Variants in CACNA1E observed in about 807,000 individuals in gnomAD.
CACNA1E encodes voltage-dependent R-type calcium channel subunit alpha-1E.
In CACNA1E, 40 loss-of-function variants were observed where a neutral mutation model predicts 259.2. The observed-to-expected ratio is 0.15, with a 90% CI of 0.12 to 0.20. CACNA1E has a LOEUF of 0.20. Ranked by LOEUF, CACNA1E falls within the 10% of genes least tolerant of loss-of-function variation. The probability of loss-of-function intolerance (pLI) is 1.00; values close to 1 mark genes in which losing one functional copy is unlikely to be tolerated. For synonymous variants in CACNA1E, 1,104 were observed against 1,138.5 expected, an observed-to-expected ratio of 0.97 and a Z score of 0.61; for missense variants, 1,874 against 3,040.1, an observed-to-expected ratio of 0.62 and a Z score of 9.02.
At chr1:181,699,794 T>C (rs1267647770) in intron 7 of CACNA1E, among the ~76,000 whole-genome samples, 1 of 151,698 alleles carries the variant, frequency 6.6e-6, no homozygotes, top group Admixed American at 6.6e-5. Context: ...TGGGCTGAGG[T>C]TGGGATGAGA....
At chr1:181,501,471 T>C (rs1665244441) in intron 1 of CACNA1E, among the ~76,000 whole-genome samples, 1 of 152,180 alleles carries the variant, frequency 6.6e-6, no homozygotes. Flanking sequence ...TGGTCTAAAG[T>C]AATGAGAATT....
At chr1:181,419,562 C>T (rs1027642559) in intron 2 of CACNA1E, among the ~76,000 whole-genome samples, 5 of 152,224 alleles carry the variant, frequency 3.3e-5, no homozygotes, top group African/African-American at 1.2e-4. Context: ...CACAAACACA[C>T]ACACATACAT....
At position 181,433,530 on chromosome 1, in the gene CACNA1E, G is replaced by C. The variant is rs367628282; in HGVS notation, c.434+19950G>C. On this transcript the variant is annotated intron_variant, in intron 2 of 11. Transcript: ENST00000524607. ...TTTTTTCTTTCATTACAAAAGACGT[G>C]CTCATTGTGAAACAATTGGGAAATA... Among the ~76,000 whole-genome samples, 271 of 152,150 alleles carry C rather than the reference G, an allele frequency of 1.8e-3. 3 individuals are homozygous for C. The highest frequency in any genetic ancestry group is 6.1e-3 in the African/African-American group (255 of 41,496).
intron 45 of CACNA1E, among the ~76,000 whole-genome samples, chr1:181,794,560 A>G (rs1426807513): frequency 1.3e-5 from 2 of 152,212 alleles, no homozygotes; most frequent in African/African-American, 4.8e-5. Context: ...GCCCCATGGT[A>G]GAGGGCTCTA....
rs1361864859 is a variant in CACNA1E, at chr1:181,800,404, CAA to C, written c.*1571_*1572del. The C allele has an allele frequency of 6.6e-6, 1 of 152,640 alleles. No homozygotes were observed. The highest frequency in any genetic ancestry group is 1.9e-4 in the East Asian group (1 of 5,180). The allele number at this position is 152,640 out of a possible 1,614,324, so 9.5% of individuals were successfully genotyped here. On this transcript the variant is annotated 3_prime_UTR_variant, in exon 48 of 48. Coordinates refer to ENST00000367573, the MANE Select transcript of CACNA1E (RefSeq NM_001205293.3). ...ATAGCCCAAACGCAGAAGCACTGAG[CAA>C]GAGAGCCCTTTCTTGCCAAGCCAGT...
chr1:181,703,850 A>G (rs1250575175), intron 7 of CACNA1E, among the ~76,000 whole-genome samples: 1 of 148,702 alleles, frequency 6.7e-6, no homozygotes, highest in African/African-American at 2.4e-5. Flanking sequence ...CCCTCGCCTG[A>G]TATCCTGGTC....
chr1:181,736,510 G>A (rs911998274), intron 22 of CACNA1E, 76 bp downstream of exon 22: 5 of 1,358,078 alleles, frequency 3.7e-6, no homozygotes, highest in East Asian at 2.5e-5. Flanking sequence ...GGGTGAAGGG[G>A]AGAGGAAGGA....
At chr1:181,427,315 C>A (rs1046077178) in intron 2 of CACNA1E, among the ~76,000 whole-genome samples, 1 of 151,170 alleles carries the variant, frequency 6.6e-6, no homozygotes, top group Non-Finnish European at 1.5e-5. Flanking sequence ...CTATCTCTAC[C>A]CCTGCCCGTC....
intron 1 of CACNA1E, among the ~76,000 whole-genome samples, chr1:181,320,247 T>A (rs1374925675): frequency 6.6e-6 from 1 of 152,202 alleles, no homozygotes; most frequent in East Asian, 1.9e-4. Context: ...AAATCCTACA[T>A]GTCTGGATTT....
chr1:181,456,756 C>T (rs1661484606), intron 2 of CACNA1E, among the ~76,000 whole-genome samples: 1 of 151,930 alleles, frequency 6.6e-6, no homozygotes, highest in Non-Finnish European at 1.5e-5. Context: ...TCTCTGTCTC[C>T]CTCTCTCTCT....
chr1:181,609,102 T>C (rs976111646), intron 6 of CACNA1E, among the ~76,000 whole-genome samples: 4 of 152,226 alleles, frequency 2.6e-5, no homozygotes, highest in African/African-American at 9.6e-5. Flanking sequence ...CCTGAATGAA[T>C]GCTTTGCCCA....
At chr1:181,687,392 G>T (rs932829563) in intron 7 of CACNA1E, among the ~76,000 whole-genome samples, 2 of 152,106 alleles carry the variant, frequency 1.3e-5, no homozygotes, top group African/African-American at 4.8e-5. Context: ...TAGACAGCTT[G>T]GGGGGCTGTC....
At chr1:181,513,684 A>T (rs74983249) in intron 3 of CACNA1E, among the ~76,000 whole-genome samples, 6,202 of 152,218 alleles carry the variant, frequency 0.041, 406 homozygotes, top group African/African-American at 0.14. Context: ...TCTCTCTGCA[A>T]ATAAGGGTTG....
chr1:181,546,744 A>G (rs911708859), intron 3 of CACNA1E, among the ~76,000 whole-genome samples: 15 of 152,198 alleles, frequency 9.9e-5, no homozygotes, highest in Admixed American at 3.3e-4. Flanking sequence ...CTGCCTCTTC[A>G]TGACAACTGT....
At chr1:181,609,291 G>A (rs1262449397) in intron 6 of CACNA1E, among the ~76,000 whole-genome samples, 2 of 152,286 alleles carry the variant, frequency 1.3e-5, no homozygotes, top group East Asian at 1.9e-4. Flanking sequence ...CAGGGAAGGC[G>A]GGCCCTAGAC....
At chr1:181,423,720 G>A (rs962758017) in intron 2 of CACNA1E, among the ~76,000 whole-genome samples, 12 of 142,350 alleles carry the variant, frequency 8.4e-5, no homozygotes, top group Non-Finnish European at 1.8e-4. Context: ...CAGATCTAGT[G>A]AGACTAAGTG....
At chr1:181,472,962 T>C (rs180897696) in intron 2 of CACNA1E, among the ~76,000 whole-genome samples, 134 of 152,226 alleles carry the variant, frequency 8.8e-4, no homozygotes, top group African/African-American at 3.0e-3. Context: ...GGAAAACTAG[T>C]TGAGATGCAG....
intron 6 of CACNA1E, among the ~76,000 whole-genome samples, chr1:181,584,945 G>T (rs1396361592): frequency 2.6e-5 from 4 of 152,268 alleles, no homozygotes; most frequent in Middle Eastern, 3.4e-3. Flanking sequence ...TGGTATTGTA[G>T]ATACTGTAAG....
In CACNA1E at chr1:181,544,175, T is replaced by C. The variant is rs933292483; in HGVS notation, c.512+32665T>C. The stretch of plus-strand genomic sequence containing the variant: ...ATACTTGCTATAATGTGGGTGGACC[T>C]GGAAAACATAAAGAAGTTCCTCACA... On this transcript the variant is annotated intron_variant, in intron 3 of 47. Transcript: ENST00000367573. Among the ~76,000 whole-genome samples, 13 of 152,170 alleles carry C rather than the reference T, an allele frequency of 8.5e-5. No homozygotes were observed. In the East Asian group the frequency reaches 1.2e-3, roughly 14 times the overall value.
Sources: gnomAD v4.1 joint callset for allele counts (sites outside exome capture counted in the v4.1 genomes callset) on GRCh38, gnomAD v4.1.1 for gene constraint, MANE v1.5 for transcripts, NCBI Gene and HGNC (gene_info 2026-07-23, HGNC 2026-07-21) for gene names.